CHD2: variants seen among roughly 807,000 people sequenced by gnomAD.
CHD2 encodes chromodomain helicase DNA binding protein 2, also known as ATP-dependent chromatin remodeler CHD2.
A neutral mutation model predicts 243.9 loss-of-function variants in CHD2; 28 were observed. That is an observed-to-expected ratio of 0.11 (90% confidence interval 0.09 to 0.16). The LOEUF is 0.16. CHD2 is among the 10% of genes least tolerant of loss of function. The probability of loss-of-function intolerance (pLI) is 1.00; values close to 1 mark genes in which losing one functional copy is unlikely to be tolerated. For missense variants in CHD2, 1,386 were observed against 2,209.8 expected (o/e 0.63, Z 7.47); for synonymous variants, 775 against 779.0 (o/e 0.99, Z 0.09).
At chr15:92,912,357 TTG>T (rs1310306215) in intron 2 of CHD2, among the ~76,000 whole-genome samples, 3 of 152,160 alleles carry the variant, frequency 2.0e-5, no homozygotes, top group Admixed American at 6.5e-5. Flanking sequence ...CTTGAGTGTG[TTG>T]TGTGTTGACA....
intron 13 of CHD2, among the ~76,000 whole-genome samples, chr15:92,952,426 G>A (rs2053565208): frequency 6.6e-6 from 1 of 152,174 alleles, no homozygotes; most frequent in African/African-American, 2.4e-5. Flanking sequence ...TGTAGAATCA[G>A]TGGGAGCCCT....
intron 5 of CHD2, among the ~76,000 whole-genome samples, chr15:92,933,213 A>C (rs2053206770): frequency 6.6e-6 from 1 of 152,144 alleles, no homozygotes; most frequent in African/African-American, 2.4e-5. Context: ...CTGTATTCAT[A>C]CTTTTAAAGC....
At chr15:92,999,900 CT>C (rs1453052040) in intron 31 of CHD2, among the ~76,000 whole-genome samples, 1 of 151,936 alleles carries the variant, frequency 6.6e-6, no homozygotes, top group African/African-American at 2.4e-5. Context: ...AGTGATTTTC[CT>C]TTTTTAAAAA....
At chr15:92,938,516 A>G (rs1229838467) in intron 6 of CHD2, among the ~76,000 whole-genome samples, 3 of 152,176 alleles carry the variant, frequency 2.0e-5, no homozygotes, top group Non-Finnish European at 4.4e-5. Flanking sequence ...CTGGCCTAGG[A>G]CATTGTACTT....
At chr15:92,963,922 A>C (rs2053721889) in intron 16 of CHD2, among the ~76,000 whole-genome samples, 1 of 152,250 alleles carries the variant, frequency 6.6e-6, no homozygotes, top group Non-Finnish European at 1.5e-5. Context: ...TGTGGTATGT[A>C]GTTTCTACCA....
intron 32 of CHD2, among the ~76,000 whole-genome samples, chr15:93,001,760 G>A (rs1438761256): frequency 6.6e-6 from 1 of 151,840 alleles, no homozygotes; most frequent in Admixed American, 6.6e-5. Context: ...CAGGTGACAG[G>A]TCTGCCTCAG....
intron 24 of CHD2, among the ~76,000 whole-genome samples, chr15:92,982,213 C>T (rs543172418): frequency 6.6e-6 from 1 of 152,156 alleles, no homozygotes; most frequent in East Asian, 1.9e-4. Context: ...AAGACTTGGC[C>T]TTGGAAAGAA....
intron 33 of CHD2, 51 bp downstream of exon 33, chr15:93,002,368 C>T (rs778615449): frequency 6.4e-7 from 1 of 1,563,126 alleles, no homozygotes; most frequent in Admixed American, 2.3e-5. Context: ...TGCAATTCGC[C>T]ATTTGGATTT....
chr15:92,947,777 G>C (rs1179775236), intron 12 of CHD2, among the ~76,000 whole-genome samples: 1 of 152,156 alleles, frequency 6.6e-6, no homozygotes, highest in Non-Finnish European at 1.5e-5. Context: ...TTTTGGAGTT[G>C]AGAGTAAGCA....
intron 2 of CHD2, among the ~76,000 whole-genome samples, chr15:92,922,896 C>T (rs917568139): frequency 1.3e-5 from 2 of 152,048 alleles, no homozygotes; most frequent in African/African-American, 4.8e-5. Flanking sequence ...ACTCTATCAC[C>T]CCTCAGTCTC....
chr15:93,004,617 C>A lies in CHD2; in HGVS notation c.4279C>A (p.Pro1427Thr). The change falls in exon 34 of 39, where the codon CCT becomes ACT. Residue 1427 changes from proline to threonine, a missense_variant and splice_region_variant. Transcript: ENST00000394196. ...ACTCCTTGTAACTCTTTTTTAAAAG[C>A]CTAAAAGTGGTGATGCCAAATCTTC... ...RKKSKDKKEK[P>T]KSGDAKSSSK... is the part of the protein sequence containing the mutation. 1.2e-6 allele frequency: 2 copies of A among 1,608,964 alleles called. No homozygotes were observed. The highest frequency in any genetic ancestry group is 1.1e-5 in the South Asian group (1 of 90,260).
In CHD2 at chr15:92,998,616, G is replaced by A. The variant is rs1246923304; in HGVS notation, c.4003G>A (p.Glu1335Lys). ...GAAGAAGGGGGCTGTGACAGGTGGG[G>A]AAGAGGTGAGTACGCTGCCAGCTGG... ...LEKKGAVTGG[E>K]EAKLKKRKPR... Residue 1335 changes from glutamate to lysine, a missense_variant, in exon 31 of 39, where the codon GAA becomes AAA. Coordinates refer to ENST00000394196, the MANE Select transcript of CHD2 (RefSeq NM_001271.4). This position sits in a 1 kb window ranked among gnomAD's most constrained non-coding sequence, Gnocchi z 5.1. 1.2e-6 allele frequency: 2 copies of A among 1,612,318 alleles called. No individual in the cohort carries two copies. Among genetic ancestry groups the A allele is most frequent in the Admixed American group, 1.7e-5 (1 of 59,990 alleles).
chr15:92,904,406 G>A (rs1263020858), intron 2 of CHD2: 2 of 965,956 alleles, frequency 2.1e-6, no homozygotes, highest in Non-Finnish European at 2.5e-6. Flanking sequence ...TCCCCTGGGG[G>A]GCGGGGAGAG....
Position 92,997,235 on chromosome 15 carries a change from T to A in CHD2, c.3735-18T>A. The A allele has an allele frequency of 3.7e-6, 6 of 1,613,966 alleles. No homozygotes were observed. Among genetic ancestry groups the A allele is most frequent in the Non-Finnish European group, 5.1e-6 (6 of 1,179,966 alleles). ...AGGCCCCTCTTCTAATGTCTTCCTG[T>A]TTTTAAACTTTCTTTAGATACTGCT... On this transcript the variant is annotated intron_variant, in intron 29 of 38. Coordinates refer to ENST00000394196, the MANE Select transcript of CHD2 (RefSeq NM_001271.4). This position sits in a 1 kb window ranked among gnomAD's most constrained non-coding sequence, Gnocchi z 4.1.
intron 5 of CHD2, among the ~76,000 whole-genome samples, chr15:92,930,385 A>G (rs2053143671): frequency 1.3e-5 from 2 of 152,016 alleles, no homozygotes; most frequent in African/African-American, 2.4e-5. Flanking sequence ...GTCACTGTAT[A>G]ATACATTGCG....
rs767099765 is a variant in CHD2, at chr15:93,024,460, C to T, written c.5242C>T (p.Arg1748Cys). 1.4e-5 allele frequency: 22 copies of T among 1,614,052 alleles called. No homozygotes were observed. The highest frequency in any genetic ancestry group is 2.2e-5 in the South Asian group (2 of 91,082). ...QQDFRRMSDHRPAMGYHGQGP... is the reference protein window; with the variant it reads ...QQDFRRMSDHCPAMGYHGQGP... ...GGATTTCCGACGAATGTCTGATCACCGCCCCGCTATGGGCTACCATGGCCA... is the reference window on the plus strand; with the variant it reads ...GGATTTCCGACGAATGTCTGATCACTGCCCCGCTATGGGCTACCATGGCCA... Residue 1748 changes from arginine (R) to cysteine (C), a missense_variant, in exon 39 of 39, where the codon CGC becomes TGC. By Grantham distance (180) the Arg-to-Cys change is radical (BLOSUM62 -3). Coordinates refer to ENST00000394196, the MANE Select transcript of CHD2 (RefSeq NM_001271.4).
chr15:92,949,183 C>G, intron 13 of CHD2, 107 bp downstream of exon 13: 1 of 1,545,700 alleles, frequency 6.5e-7, no homozygotes, highest in Non-Finnish European at 8.6e-7. Context: ...TGTATCTCAA[C>G]CAAGAAATCT....
At chr15:92,978,483 G>T in intron 21 of CHD2, 100 bp downstream of exon 21, 2 of 1,245,494 alleles carry the variant, frequency 1.6e-6, no homozygotes, top group Non-Finnish European at 1.1e-6. Flanking sequence ...TCCCTGTTTT[G>T]CTTTTATTTC....
At chr15:92,957,457 C>G (rs540330726) in intron 16 of CHD2, among the ~76,000 whole-genome samples, 3 of 152,164 alleles carry the variant, frequency 2.0e-5, no homozygotes, top group Admixed American at 1.3e-4. Flanking sequence ...TATCCCTAAC[C>G]TGTTTTAGTG....
Sources: gnomAD v4.1 joint callset for allele counts (sites outside exome capture counted in the v4.1 genomes callset) on GRCh38, gnomAD v4.1.1 for gene constraint, Gnocchi (gnomAD v3.1) non-coding constraint, MANE v1.5 for transcripts, NCBI Gene and HGNC (gene_info 2026-07-23, HGNC 2026-07-21) for gene names.